Variants in TM9SF3 observed in about 807,000 individuals in gnomAD.
TM9SF3 encodes transmembrane 9 superfamily member 3, also known as SM-11044-binding protein.
In TM9SF3, 14 loss-of-function variants were observed where a neutral mutation model predicts 78.6. The ratio of observed to expected loss-of-function variants is 0.18; its 90% confidence interval spans 0.12 to 0.28. The LOEUF is 0.28. Ranked by LOEUF, TM9SF3 falls within the 10% of genes least tolerant of loss-of-function variation. The pLI is 1.00. For synonymous variants in TM9SF3, 231 were observed against 241.7 expected, an observed-to-expected ratio of 0.96 and a Z score of 0.41; for missense variants, 496 against 721.9, an observed-to-expected ratio of 0.69 and a Z score of 3.59.
At chr10:96,578,195 C>A (rs1348339632) in intron 1 of TM9SF3, among the ~76,000 whole-genome samples, 1 of 152,180 alleles carries the variant, frequency 6.6e-6, no homozygotes, top group Non-Finnish European at 1.5e-5. Context: ...CCTCACTGTT[C>A]ATATAAGACA....
chr10:96,555,018 T>C (rs1196781187), intron 5 of TM9SF3, among the ~76,000 whole-genome samples: 3 of 151,892 alleles, frequency 2.0e-5, no homozygotes, highest in South Asian at 2.1e-4. Context: ...AATGGCCTCC[T>C]GGTTGGCCTT....
chr10:96,582,471 T>A (rs113353248), intron 1 of TM9SF3, among the ~76,000 whole-genome samples: 1 of 152,204 alleles, frequency 6.6e-6, no homozygotes, highest in Non-Finnish European at 1.5e-5. Context: ...TTAGGAGACA[T>A]AGTAATCTAA....
At chr10:96,586,701 C>CCCGGGGCGG in intron 1 of TM9SF3, 33 bp downstream of exon 1, 1 of 1,220,104 alleles carries the variant, frequency 8.2e-7, no homozygotes. Context: ...GGGGAGCTAG[C>CCCGGGGCGG]CCGGGGCGGC....
At chr10:96,522,878 G>A (rs565292530) in intron 14 of TM9SF3, among the ~76,000 whole-genome samples, 1 of 151,886 alleles carries the variant, frequency 6.6e-6, no homozygotes, top group South Asian at 2.1e-4. Context: ...TGGTAGTAGG[G>A]ATGACATATT....
At chr10:96,524,720 T>A (rs1017704927) in intron 14 of TM9SF3, among the ~76,000 whole-genome samples, 2 of 151,862 alleles carry the variant, frequency 1.3e-5, no homozygotes, top group Non-Finnish European at 2.9e-5. Context: ...ATGTAGTCAT[T>A]TTTTCCTACA....
intron 4 of TM9SF3, among the ~76,000 whole-genome samples, chr10:96,561,435 C>T (rs1450325802): frequency 6.6e-6 from 1 of 152,170 alleles, no homozygotes; most frequent in East Asian, 1.9e-4. Context: ...CAATAACTGG[C>T]AGAGGCTACC....
chr10:96,563,433 A>G (rs184588231), intron 3 of TM9SF3, among the ~76,000 whole-genome samples: 34 of 152,066 alleles, frequency 2.2e-4, no homozygotes, highest in African/African-American at 8.0e-4. Flanking sequence ...TAGAGTGCAA[A>G]GGTGCAGTCT....
chr10:96,557,926 C>G (rs918081425), intron 5 of TM9SF3, among the ~76,000 whole-genome samples: 8 of 152,182 alleles, frequency 5.3e-5, no homozygotes, highest in African/African-American at 1.9e-4. Context: ...GTTTATTTCA[C>G]GTCTCCTTGA....
chr10:96,532,521 T>C (rs903545096), intron 10 of TM9SF3, among the ~76,000 whole-genome samples: 1 of 152,146 alleles, frequency 6.6e-6, no homozygotes, highest in African/African-American at 2.4e-5. Context: ...GTCTACTTAC[T>C]ATACAACTAT....
At chr10:96,568,671 G>A in intron 2 of TM9SF3, among the ~76,000 whole-genome samples, 1 of 152,098 alleles carries the variant, frequency 6.6e-6, no homozygotes, top group East Asian at 1.9e-4. Flanking sequence ...TTTGGAAAAT[G>A]AGAAACAGTC....
chr10:96,546,633 C>T (rs1051070246), intron 8 of TM9SF3, among the ~76,000 whole-genome samples: 1 of 152,094 alleles, frequency 6.6e-6, no homozygotes, highest in African/African-American at 2.4e-5. Flanking sequence ...AGAGACTGAA[C>T]ATCTACCTAA....
chr10:96,537,610 A>C (rs751063023), intron 9 of TM9SF3, among the ~76,000 whole-genome samples: 1 of 152,236 alleles, frequency 6.6e-6, no homozygotes, highest in African/African-American at 2.4e-5. Flanking sequence ...AGGCAGGCGG[A>C]TCACCTAAGG....
At chr10:96,528,240 C>T (rs1847860162) in intron 11 of TM9SF3, 63 bp from the exon 12 acceptor site, 5 of 1,458,278 alleles carry the variant, frequency 3.4e-6, no homozygotes, top group Admixed American at 2.2e-5. Context: ...CTCTGCTCTT[C>T]GTGAGTCTCA....
At chr10:96,562,192 T>C in intron 3 of TM9SF3, 54 bp from the exon 4 acceptor site, 28 of 1,299,724 alleles carry the variant, frequency 2.2e-5, no homozygotes, top group Non-Finnish European at 2.9e-5. Context: ...ATTTAAAATA[T>C]CCTACAAGCT....
Position 96,518,719 on chromosome 10 carries a change from C to A in TM9SF3, c.*3544G>T, listed in dbSNP as rs933172541. On this transcript the variant is annotated 3_prime_UTR_variant, in exon 15 of 15. Coordinates refer to ENST00000371142, the MANE Select transcript of TM9SF3 (RefSeq NM_020123.4). ...TTCCTCACACTGAATTTAAGTCTTA[C>A]CAGATTTCTGCAGGTTCATATGTTA... is the stretch of plus-strand genomic sequence containing the variant. 6.6e-6 allele frequency: 1 copy of A among 152,100 alleles called. No individual in the cohort carries two copies. Among genetic ancestry groups the A allele is most frequent in the Non-Finnish European group, 1.5e-5 (1 of 67,978 alleles). 9.4% of individuals were successfully genotyped at this position (152,100 alleles called of 1,614,324 possible).
In TM9SF3 at chr10:96,586,764, G is replaced by A; in HGVS notation, c.72C>T (p.Pro24=). 7.8e-7 allele frequency: 1 copy of A among 1,288,114 alleles called. No individual in the cohort carries two copies. The allele number at this position is 1,288,114 out of a possible 1,614,324, so 79.8% of individuals were successfully genotyped here. ...GTTCGTGCTCGTCCGCCCGGGTCCG[G>A]GGCAGCAGCAGCAGCAGCAGCCACA... ...AALWLLLLLL[P]RTRADEHEHT... is the part of the protein sequence containing the mutation. Residue 24 remains proline (P), a synonymous_variant, in exon 1 of 15, where the codon CCC becomes CCT. Transcript: ENST00000371142.
chr10:96,551,876 T>C (rs1422659620), intron 6 of TM9SF3, among the ~76,000 whole-genome samples: 1 of 152,080 alleles, frequency 6.6e-6, no homozygotes, highest in Non-Finnish European at 1.5e-5. Flanking sequence ...AGAAAACATA[T>C]GGGGGAAATA....
intron 1 of TM9SF3, among the ~76,000 whole-genome samples, chr10:96,583,335 TCA>T (rs1322556869): frequency 9.2e-5 from 14 of 152,206 alleles, no homozygotes; most frequent in Non-Finnish European, 1.3e-4. Context: ...AAACAAGCTC[TCA>T]CACAGTCTTT....
chr10:96,551,086 T>A (rs1208886036), intron 7 of TM9SF3, among the ~76,000 whole-genome samples, 159 bp downstream of exon 7: 1 of 152,214 alleles, frequency 6.6e-6, no homozygotes, highest in Non-Finnish European at 1.5e-5. Context: ...AGATTACTGT[T>A]CATTATTTAA....
Sources: gnomAD v4.1 joint callset for allele counts (sites outside exome capture counted in the v4.1 genomes callset) on GRCh38, gnomAD v4.1.1 for gene constraint, MANE v1.5 for transcripts, NCBI Gene and HGNC (gene_info 2026-07-23, HGNC 2026-07-21) for gene names.